LARGE1: variants seen among roughly 807,000 people sequenced by gnomAD.
The protein encoded by LARGE1 is LARGE xylosyl- and glucuronyltransferase 1.
LARGE1 carries 43 observed loss-of-function variants against 87.6 expected under a neutral mutation model. The ratio of observed to expected loss-of-function variants is 0.49; its 90% CI spans 0.38 to 0.63. LARGE1 has a LOEUF of 0.63. LARGE1 is among the 30% of genes least tolerant of loss of function. LARGE1 has a pLI of 0.00. For missense variants in LARGE1, 802 were observed against 1,000.2 expected (o/e 0.80, Z 2.67); for synonymous variants, 434 against 394.6 (o/e 1.10, Z -1.18).
intron 11 of LARGE1, among the ~76,000 whole-genome samples, chr22:33,259,492 T>A (rs1270658821): frequency 6.6e-6 from 1 of 152,050 alleles, no homozygotes; most frequent in African/African-American, 2.4e-5. Flanking sequence ...GATTTGTATG[T>A]GCACAGTACG....
downstream of LARGE1, among the ~76,000 whole-genome samples, chr22:33,268,039 T>A (rs5749592): frequency 8.0e-5 from 12 of 150,898 alleles, 1 homozygote; most frequent in African/African-American, 2.7e-4. Flanking sequence ...CACTGCAACC[T>A]CCGCCTTCTG....
chr22:33,902,923 G>C (rs1395696294), intron 1 of LARGE1, among the ~76,000 whole-genome samples: 1 of 152,156 alleles, frequency 6.6e-6, no homozygotes, highest in Non-Finnish European at 1.5e-5. Flanking sequence ...TCTAAGGTCA[G>C]GGGTTCAAGA....
intron 11 of LARGE1, among the ~76,000 whole-genome samples, chr22:33,230,117 T>G (rs1268342578): frequency 6.8e-6 from 1 of 147,492 alleles, no homozygotes; most frequent in Non-Finnish European, 1.5e-5. Flanking sequence ...GTTCAAGCAA[T>G]TCTTCTGCCT....
chr22:33,628,745 T>TG (rs2080009116), intron 3 of LARGE1, among the ~76,000 whole-genome samples: 1 of 152,056 alleles, frequency 6.6e-6, no homozygotes, highest in Non-Finnish European at 1.5e-5. Context: ...AATGCTCTAC[T>TG]GGAAGGCAGT....
At chr22:33,831,741 C>CAT (rs2062975502) in intron 1 of LARGE1, among the ~76,000 whole-genome samples, 2 of 146,192 alleles carry the variant, frequency 1.4e-5, no homozygotes, top group African/African-American at 5.2e-5. Context: ...AACACACACA[C>CAT]ATGCATGTAC....
intron 14 of LARGE1, among the ~76,000 whole-genome samples, chr22:33,276,355 G>A (rs976427545): frequency 1.3e-5 from 2 of 152,162 alleles, no homozygotes; most frequent in African/African-American, 2.4e-5. Flanking sequence ...TGTACACAAA[G>A]TTTTATTGAA....
At chr22:33,118,157 T>A in the LARGE1 span, among the ~76,000 whole-genome samples, 1 of 151,970 alleles carries the variant, frequency 6.6e-6, no homozygotes, top group Non-Finnish European at 1.5e-5. Flanking sequence ...TACATGTTTC[T>A]CAGGAGGAGG....
chr22:33,121,709 A>T, the LARGE1 span, among the ~76,000 whole-genome samples: 8 of 152,170 alleles, frequency 5.3e-5, no homozygotes, highest in African/African-American at 9.7e-5. Context: ...CTGTTCTTAC[A>T]CTGCTAATGT....
intron 1 of LARGE1, among the ~76,000 whole-genome samples, chr22:33,798,244 C>T (rs1390554175): frequency 6.6e-6 from 1 of 152,146 alleles, no homozygotes; most frequent in East Asian, 1.9e-4. Context: ...GAGCCGAGAT[C>T]TGGCCGTTAC....
intron 9 of LARGE1, among the ~76,000 whole-genome samples, chr22:33,363,602 C>T (rs1013638562): frequency 1.3e-5 from 2 of 149,456 alleles, no homozygotes; most frequent in Non-Finnish European, 3.0e-5. Flanking sequence ...ACAGCCAAAC[C>T]GTATCACGTA....
At chr22:33,477,550 G>T (rs550734979) in intron 6 of LARGE1, among the ~76,000 whole-genome samples, 2 of 152,128 alleles carry the variant, frequency 1.3e-5, no homozygotes, top group African/African-American at 2.4e-5. Context: ...TAGTAAAAGC[G>T]TTCAGAATAC....
chr22:33,796,912 A>T (rs2086004431), intron 1 of LARGE1, among the ~76,000 whole-genome samples: 1 of 151,738 alleles, frequency 6.6e-6, no homozygotes, highest in Non-Finnish European at 1.5e-5. Flanking sequence ...TTACAGGGGC[A>T]CACCACCACA....
chr22:33,786,336 C>T (rs1011951656), intron 1 of LARGE1, among the ~76,000 whole-genome samples: 1 of 152,148 alleles, frequency 6.6e-6, no homozygotes, highest in Non-Finnish European at 1.5e-5. Flanking sequence ...ATTGCTCCAC[C>T]AGGAGCTATC....
intron 1 of LARGE1, among the ~76,000 whole-genome samples, chr22:33,908,427 A>G (rs2065521366): frequency 6.6e-6 from 1 of 152,074 alleles, no homozygotes; most frequent in Non-Finnish European, 1.5e-5. Flanking sequence ...AGGCAGATAA[A>G]GAAGGAAAGA....
chr22:33,480,204 C>A (rs895177730), intron 6 of LARGE1, among the ~76,000 whole-genome samples: 19 of 152,174 alleles, frequency 1.2e-4, no homozygotes, highest in African/African-American at 4.6e-4. Flanking sequence ...GACGGCTTCA[C>A]GCAGACCTCG....
chr22:33,425,020 T>A (rs1329173829), intron 7 of LARGE1, among the ~76,000 whole-genome samples: 1 of 151,900 alleles, frequency 6.6e-6, no homozygotes, highest in African/African-American at 2.4e-5. Context: ...TCCCAGCACT[T>A]TGGGAGGTGG....
chr22:33,356,211 G>T (rs1940877129), intron 9 of LARGE1, among the ~76,000 whole-genome samples: 1 of 152,178 alleles, frequency 6.6e-6, no homozygotes, highest in Admixed American at 6.5e-5. Flanking sequence ...TGTGTAAAAA[G>T]CCAATGAAGG....
At chr22:33,253,576 G>C (rs1927109438) in intron 11 of LARGE1, among the ~76,000 whole-genome samples, 1 of 152,338 alleles carries the variant, frequency 6.6e-6, no homozygotes, top group East Asian at 1.9e-4. Context: ...GCTGGGTGTG[G>C]TGGCAGGCGC....
intron 6 of LARGE1, among the ~76,000 whole-genome samples, chr22:33,459,526 A>G (rs7289701): frequency 0.031 from 4,496 of 145,670 alleles, 179 homozygotes; most frequent in African/African-American, 0.099. Context: ...TCTGAGAGTT[A>G]TCGCCTCTAT....
Sources: gnomAD v4.1 joint callset for allele counts (sites outside exome capture counted in the v4.1 genomes callset) on GRCh38, gnomAD v4.1.1 for gene constraint, MANE v1.5 for transcripts, NCBI Gene and HGNC (gene_info 2026-07-23, HGNC 2026-07-21) for gene names.